The following LAMA4 variants were observed in gnomAD, a reference collection of about 807,000 sequenced individuals.
LAMA4 encodes the protein laminin subunit alpha 4.
In LAMA4, 127 loss-of-function variants were observed where a neutral mutation model predicts 207.1. The ratio of observed to expected loss-of-function variants is 0.61; its 90% CI spans 0.53 to 0.71. The LOEUF is 0.71. LAMA4 is among the 30% of genes least tolerant of loss of function. The probability of loss-of-function intolerance (pLI) is 0.00; values close to 1 mark genes in which losing one functional copy is unlikely to be tolerated. For synonymous variants in LAMA4, 761 were observed against 816.0 expected (o/e 0.93, Z 1.15); for missense variants, 2,093 against 2,246.5 (o/e 0.93, Z 1.38).
intron 2 of LAMA4, among the ~76,000 whole-genome samples, chr6:112,250,915 C>T (rs11759718): frequency 0.27 from 40,600 of 152,044 alleles, 6,502 homozygotes; most frequent in Non-Finnish European, 0.37. Context: ...AGAGTTTGGC[C>T]TAGTTTTTCC....
intron 4 of LAMA4, 121 bp downstream of exon 4, chr6:112,206,900 A>C (rs189252852): frequency 4.3e-6 from 5 of 1,153,370 alleles, no homozygotes; most frequent in Non-Finnish European, 6.4e-6. Context: ...GTCTCATCTC[A>C]ATATGAGGTT....
intron 7 of LAMA4, 111 bp from the exon 8 acceptor site, chr6:112,187,712 T>A (rs1782777749): frequency 4.2e-5 from 46 of 1,083,682 alleles, no homozygotes; most frequent in Non-Finnish European, 6.3e-5. Flanking sequence ...TTTATTTTTG[T>A]CTCATGAAGA....
intron 13 of LAMA4, chr6:112,164,280 G>T (rs751669008): frequency 6.6e-6 from 1 of 152,512 alleles, no homozygotes. Context: ...GGTAAAAAAG[G>T]CAGGGAGGTC....
At chr6:112,232,835 A>G (rs9481237) in intron 2 of LAMA4, among the ~76,000 whole-genome samples, 13,151 of 152,236 alleles carry the variant, frequency 0.086, 1,886 homozygotes, top group African/African-American at 0.3. Context: ...GGCTGAGAGT[A>G]TTTGATTTAA....
chr6:112,131,905 A>G (rs1554329889), intron 28 of LAMA4, among the ~76,000 whole-genome samples: 1 of 152,182 alleles, frequency 6.6e-6, no homozygotes, highest in Non-Finnish European at 1.5e-5. Context: ...GAGACCCATC[A>G]GTTGGATCTT....
intron 2 of LAMA4, among the ~76,000 whole-genome samples, chr6:112,225,012 C>T (rs576817184): frequency 6.6e-6 from 1 of 151,116 alleles, no homozygotes; most frequent in South Asian, 2.1e-4. Context: ...TCATCTTCTG[C>T]TGCTTCTACA....
chr6:112,124,691 G>C (rs1778574920), intron 31 of LAMA4, among the ~76,000 whole-genome samples: 1 of 151,338 alleles, frequency 6.6e-6, no homozygotes, highest in Admixed American at 6.6e-5. Flanking sequence ...TTTTGTGTCA[G>C]ATAACAGCCA....
At chr6:112,244,607 T>A (rs1584004189) in intron 2 of LAMA4, among the ~76,000 whole-genome samples, 1 of 152,306 alleles carries the variant, frequency 6.6e-6, no homozygotes, top group East Asian at 1.9e-4. Flanking sequence ...AGAACCCACA[T>A]GGCCTCCCAG....
intron 25 of LAMA4, chr6:112,135,868 T>C: frequency 2.4e-6 from 1 of 417,016 alleles, no homozygotes; most frequent in Non-Finnish European, 4.5e-6. Flanking sequence ...ATAGAAGCCT[T>C]CTGGTTAATT....
chr6:112,142,051 T>G (rs531051864), intron 20 of LAMA4, 68 bp downstream of exon 20: 3 of 1,567,902 alleles, frequency 1.9e-6, no homozygotes, highest in Non-Finnish European at 2.6e-6. Context: ...GGTGGCTTTA[T>G]TTTAGGCAAG....
At chr6:112,180,386 A>G (rs890646621) in intron 9 of LAMA4, among the ~76,000 whole-genome samples, 1 of 152,230 alleles carries the variant, frequency 6.6e-6, no homozygotes, top group African/African-American at 2.4e-5. Context: ...ATTCCTTTAC[A>G]TTGTAAGATG....
At chr6:112,158,441 T>C in intron 14 of LAMA4, 1 of 397,516 alleles carries the variant, frequency 2.5e-6, no homozygotes, top group Non-Finnish European at 4.6e-6. Flanking sequence ...ACCCCCCTCT[T>C]CCCGGAACAC....
intron 8 of LAMA4, chr6:112,186,636 C>T (rs1782698789): frequency 2.7e-6 from 1 of 374,954 alleles, no homozygotes; most frequent in African/African-American, 2.1e-5. Context: ...TGCACATCCT[C>T]CAGAATACTT....
intron 16 of LAMA4, 200 bp downstream of exon 16, chr6:112,154,651 A>T (rs1159018703): frequency 1.8e-6 from 1 of 567,512 alleles, no homozygotes; most frequent in East Asian, 3.0e-5. Context: ...AGTTTACTAC[A>T]TAGCATTTTT....
intron 31 of LAMA4, among the ~76,000 whole-genome samples, chr6:112,127,951 AATTTTAGAACTCAAG>A (rs1486657323): frequency 6.6e-6 from 1 of 152,300 alleles, no homozygotes; most frequent in East Asian, 1.9e-4. Flanking sequence ...GTCAGGTTGG[AATTTTAGAACTCAAG>A]ATTTTGATAA....
intron 3 of LAMA4, among the ~76,000 whole-genome samples, chr6:112,212,989 T>C (rs1197096344): frequency 1.3e-5 from 2 of 152,242 alleles, no homozygotes; most frequent in African/African-American, 4.8e-5. Context: ...AGGGTTTTAA[T>C]TAAGCTCTGA....
At chr6:112,139,055 G>C in intron 24 of LAMA4, 65 bp downstream of exon 24, 1 of 1,515,140 alleles carries the variant, frequency 6.6e-7, no homozygotes, top group Admixed American at 1.7e-5. Context: ...AAGGTTCCTG[G>C]AAACATGAGT....
rs554416448 is a variant in LAMA4, at chr6:112,238,021, C to T, written c.195+15935G>A. On this transcript the variant is annotated intron_variant, in intron 2 of 38. Coordinates refer to ENST00000230538, the MANE Select transcript of LAMA4 (RefSeq NM_001105206.3). ...GGTTCAGCCCAACAAACTGAGACTA[C>T]TTCCCTTTCCAGAAGAAACTCTGTG... Among the ~76,000 whole-genome samples the T allele has an allele frequency of 4.6e-5, 7 of 152,348 alleles. 1 individual carries two copies. In the East Asian group the frequency reaches 1.2e-3, roughly 25 times the overall value.
At chr6:112,134,727 G>A (rs2114666943) in intron 25 of LAMA4, 118 bp from the exon 26 acceptor site, 1 of 823,200 alleles carries the variant, frequency 1.2e-6, no homozygotes, top group Non-Finnish European at 2.0e-6. Flanking sequence ...CTTTGTGCTT[G>A]TTTGTTCACA....
Sources: allele counts gnomAD v4.1 joint callset (sites outside exome capture counted in the v4.1 genomes callset), GRCh38; gene constraint gnomAD v4.1.1; transcripts MANE v1.5; gene names NCBI Gene and HGNC (gene_info 2026-07-23, HGNC 2026-07-21).